TTC23L: variants seen among roughly 807,000 people sequenced by gnomAD.
TTC23L encodes the protein tetratricopeptide repeat protein 23-like.
In TTC23L, 42 loss-of-function variants were observed where a neutral mutation model predicts 48.1. That is an observed-to-expected ratio of 0.87 (90% CI 0.68 to 1.13). The LOEUF (loss-of-function observed/expected upper bound fraction) is 1.13, where lower values mean the gene tolerates loss of function less well. Among genes scored for constraint, TTC23L ranks in the 50% most tolerant of loss-of-function variants. The probability of loss-of-function intolerance (pLI) is 0.00; values close to 1 mark genes in which losing one functional copy is unlikely to be tolerated. For missense variants in TTC23L, 391 were observed against 421.0 expected, an observed-to-expected ratio of 0.93 and a Z score of 0.62; for synonymous variants, 159 against 157.2, an observed-to-expected ratio of 1.01 and a Z score of -0.09.
chr5:34,900,952 C>T (rs983431507), downstream of TTC23L, among the ~76,000 whole-genome samples: 7 of 152,156 alleles, frequency 4.6e-5, no homozygotes, highest in Admixed American at 1.3e-4. Context: ...CAGTACAGTA[C>T]GTACTCCAGT....
At chr5:34,908,171 C>CTTTTTTT in the TTC23L span, 91 of 127,214 alleles carry the variant, frequency 7.2e-4, 1 homozygote, top group African/African-American at 2.6e-3. Flanking sequence ...AGCCTTTAGA[C>CTTTTTTT]TTTTTTTTTT....
chr5:34,897,935 T>C (rs1763333504), intron 10 of TTC23L, among the ~76,000 whole-genome samples: 2 of 152,228 alleles, frequency 1.3e-5, no homozygotes, highest in South Asian at 4.1e-4. Context: ...TATGAATTAA[T>C]CTTTTTGATT....
At chr5:34,889,878 C>T (rs897360017) in intron 9 of TTC23L, among the ~76,000 whole-genome samples, 2 of 151,410 alleles carry the variant, frequency 1.3e-5, no homozygotes, top group East Asian at 2.0e-4. Flanking sequence ...CTTGCTCTGT[C>T]GCCAGGCTGT....
chr5:34,850,280 C>T, exon 4 of TTC23L: 1 of 1,613,870 alleles, frequency 6.2e-7, no homozygotes, highest in South Asian at 1.1e-5. Context: ...CTCTGGCCAA[C>T]CTAGCTTATG....
At chr5:34,858,772 T>A (rs1292152125) in intron 4 of TTC23L, among the ~76,000 whole-genome samples, 1 of 152,182 alleles carries the variant, frequency 6.6e-6, no homozygotes, top group Non-Finnish European at 1.5e-5. Context: ...ACTTTGGAGA[T>A]CAGAGAGGAT....
the TTC23L span, chr5:34,915,942 T>A: frequency 4.0e-5 from 60 of 1,493,670 alleles, no homozygotes; most frequent in South Asian, 7.5e-4. Context: ...GGCGGCTCTG[T>A]GCGCCTTTTC....
chr5:34,860,481 A>T (rs1185853686), intron 4 of TTC23L, among the ~76,000 whole-genome samples: 1 of 152,180 alleles, frequency 6.6e-6, no homozygotes, highest in African/African-American at 2.4e-5. Context: ...CACCTGAAAC[A>T]TGGTTGCTTG....
At position 34,863,239 on chromosome 5, in the gene TTC23L, C is replaced by A. The variant is rs1760811912; in HGVS notation, c.536+185C>A. ...TGTGTATTCTCTTCCTATGTCTATTCATATAAGCTCTGAGTTGAGCCACGG... is the reference window on the plus strand; with the variant it reads ...TGTGTATTCTCTTCCTATGTCTATTAATATAAGCTCTGAGTTGAGCCACGG... On this transcript the variant is annotated intron_variant, in intron 5 of 10. Coordinates refer to ENST00000505624, the Ensembl canonical transcript of TTC23L. This position sits in a 1 kb window ranked among gnomAD's most constrained non-coding sequence, Gnocchi z 4.1. 1.3e-5 allele frequency among the ~76,000 whole-genome samples: 2 copies of A among 152,164 alleles called. No individual in the cohort carries two copies. The highest frequency in any genetic ancestry group is 2.1e-4 in the South Asian group (1 of 4,828).
chr5:34,924,406 A>G, the TTC23L span, among the ~76,000 whole-genome samples: 4 of 152,208 alleles, frequency 2.6e-5, no homozygotes, highest in African/African-American at 9.6e-5. Context: ...CATAATCAGT[A>G]GCTATTAAAT....
intron 8 of TTC23L, among the ~76,000 whole-genome samples, chr5:34,872,245 C>A (rs1761520986): frequency 2.0e-5 from 3 of 152,154 alleles, no homozygotes; most frequent in Non-Finnish European, 2.9e-5. Flanking sequence ...TATAAGCGTG[C>A]CACTGCACTC....
At chr5:34,918,680 A>G in the TTC23L span, 2 of 450,136 alleles carry the variant, frequency 4.4e-6, no homozygotes. Flanking sequence ...TTTACTTTTT[A>G]AAACAGGTGT....
downstream of TTC23L, chr5:34,902,448 AC>A: frequency 2.9e-6 from 1 of 347,678 alleles, no homozygotes; most frequent in South Asian, 2.4e-5. Context: ...CAGCTCAAAG[AC>A]CCTGTGTCTT....
chr5:34,906,139 G>A, the TTC23L span: 1 of 151,850 alleles, frequency 6.6e-6, no homozygotes, highest in Admixed American at 6.6e-5. Flanking sequence ...ATTTTTAGTA[G>A]AGGTAGGGGT....
the TTC23L span, chr5:34,914,938 A>T: frequency 6.2e-7 from 1 of 1,602,896 alleles, no homozygotes; most frequent in East Asian, 2.2e-5. Flanking sequence ...GGGGCCAACA[A>T]CTTCTCGGCG....
In TTC23L at chr5:34,859,231, C is replaced by T. The variant is rs376906751; in HGVS notation, c.380-3667C>T. Reference sequence around the variant, plus strand: ...ATAGTCCTTAATGACACACTCCTAACGGCCCACCTACTTGTGGAAAATGAC... The same window carrying T: ...ATAGTCCTTAATGACACACTCCTAATGGCCCACCTACTTGTGGAAAATGAC... On this transcript the variant is annotated intron_variant, in intron 4 of 10. Transcript: ENST00000505624. 3.3e-5 allele frequency among the ~76,000 whole-genome samples: 5 copies of T among 152,198 alleles called. No homozygotes were observed. The East Asian group carries it at 7.7e-4, about 23-fold the overall frequency.
At chr5:34,861,632 A>C (rs1760665787) in intron 4 of TTC23L, 1 of 152,234 alleles carries the variant, frequency 6.6e-6, no homozygotes. Flanking sequence ...CACTTAGAAC[A>C]CATGAGGGCT....
chr5:34,887,528 CAAAACAAGCAA>C (rs927762734), intron 9 of TTC23L, among the ~76,000 whole-genome samples: 8 of 151,950 alleles, frequency 5.3e-5, no homozygotes, highest in African/African-American at 1.9e-4. Flanking sequence ...GGAAACAAAA[CAAAACAAGCAA>C]AAAACAAATT....
intron 9 of TTC23L, among the ~76,000 whole-genome samples, chr5:34,893,533 G>A (rs918176141): frequency 8.5e-5 from 13 of 152,124 alleles, no homozygotes; most frequent in African/African-American, 2.7e-4. Context: ...ATATAATATG[G>A]TGATTTGGTA....
chr5:34,864,166 A>C (rs1354124727), intron 5 of TTC23L, among the ~76,000 whole-genome samples: 1 of 152,162 alleles, frequency 6.6e-6, no homozygotes, highest in Admixed American at 6.5e-5. Context: ...ATCGAGTGTA[A>C]TTTACAGTTT....
Sources: gnomAD v4.1 joint callset for allele counts (sites outside exome capture counted in the v4.1 genomes callset) on GRCh38, gnomAD v4.1.1 for gene constraint, Gnocchi (gnomAD v3.1) non-coding constraint, MANE v1.5 for transcripts, NCBI Gene and HGNC (gene_info 2026-07-23, HGNC 2026-07-21) for gene names.